The following THSD4 variants were observed in gnomAD, a reference collection of about 807,000 sequenced individuals.
THSD4 encodes the protein thrombospondin type 1 domain containing 4.
In THSD4, 69 loss-of-function variants were observed where a neutral mutation model predicts 119.0. That is an observed-to-expected ratio of 0.58 (90% CI 0.48 to 0.71). The LOEUF is 0.71. THSD4 is among the 30% of genes least tolerant of loss of function. The pLI is 0.00. For synonymous variants in THSD4, 524 were observed against 540.4 expected (o/e 0.97, Z 0.42); for missense variants, 1,393 against 1,391.1 (o/e 1.00, Z -0.02).
chr15:71,544,329 A>G (rs923263172), intron 7 of THSD4, among the ~76,000 whole-genome samples: 4 of 152,218 alleles, frequency 2.6e-5, no homozygotes, highest in Non-Finnish European at 5.9e-5. Context: ...CTATTTTAAA[A>G]GTTTTTAAAA....
At chr15:71,410,475 G>A (rs983951138) in intron 6 of THSD4, among the ~76,000 whole-genome samples, 5 of 152,276 alleles carry the variant, frequency 3.3e-5, no homozygotes, top group East Asian at 1.9e-4. Context: ...GTTAAGCAAC[G>A]GCTAGAGAGA....
chr15:71,610,216 G>A (rs16955842), intron 7 of THSD4, among the ~76,000 whole-genome samples: 43,065 of 152,144 alleles, frequency 0.28, 7,663 homozygotes, highest in East Asian at 0.71. Flanking sequence ...GTGTTGCAGA[G>A]AGGCAGAGAA....
At chr15:71,522,002 A>G (rs1210322494) in intron 7 of THSD4, among the ~76,000 whole-genome samples, 1 of 152,192 alleles carries the variant, frequency 6.6e-6, no homozygotes, top group East Asian at 1.9e-4. Context: ...TGAAAGTTAG[A>G]GCCCTAATGT....
intron 2 of THSD4, among the ~76,000 whole-genome samples, chr15:71,152,940 G>C (rs2040739171): frequency 6.6e-6 from 1 of 152,100 alleles, no homozygotes; most frequent in Non-Finnish European, 1.5e-5. Context: ...ATCTTTGGTG[G>C]AGTCCTTTCC....
chr15:71,763,772 T>C (rs1444219548), intron 15 of THSD4, among the ~76,000 whole-genome samples: 1 of 150,854 alleles, frequency 6.6e-6, no homozygotes, highest in Admixed American at 6.6e-5. Flanking sequence ...TTGTTTTAAT[T>C]AGTCGGGCAA....
At chr15:71,611,616 G>A (rs2050230528) in intron 7 of THSD4, among the ~76,000 whole-genome samples, 1 of 152,208 alleles carries the variant, frequency 6.6e-6, no homozygotes, top group Admixed American at 6.5e-5. Context: ...AGCAACCATT[G>A]TGTAATATGA....
chr15:71,189,204 A>G (rs538543662), intron 3 of THSD4, among the ~76,000 whole-genome samples: 37 of 152,188 alleles, frequency 2.4e-4, no homozygotes, highest in Non-Finnish European at 5.1e-4. Context: ...GTGACCAGCT[A>G]TATGCATTGT....
chr15:71,627,485 C>G (rs757367986), intron 7 of THSD4, among the ~76,000 whole-genome samples: 6 of 152,142 alleles, frequency 3.9e-5, no homozygotes, highest in Admixed American at 6.6e-5. Context: ...ATGGCAGCCC[C>G]TTCACTAGAT....
intron 6 of THSD4, among the ~76,000 whole-genome samples, chr15:71,283,151 A>G (rs1053545886): frequency 1.3e-5 from 2 of 152,064 alleles, no homozygotes; most frequent in Non-Finnish European, 2.9e-5. Context: ...TTGTATTTTT[A>G]GTAGAGACGG....
intron 7 of THSD4, among the ~76,000 whole-genome samples, chr15:71,530,754 A>C (rs758848625): frequency 6.6e-5 from 10 of 152,030 alleles, no homozygotes; most frequent in Non-Finnish European, 1.3e-4. Flanking sequence ...TCTTTCACTC[A>C]TATGGTCACC....
chr15:71,782,579 C>T lies in THSD4; in HGVS notation c.*5205C>T, dbSNP rs965860941. ...ATAGGTATTTATTTACATATGCGATCCACATTTGTGTGAAAGCATGTGATC... is the reference window on the plus strand; with the variant it reads ...ATAGGTATTTATTTACATATGCGATTCACATTTGTGTGAAAGCATGTGATC... On this transcript the variant is annotated 3_prime_UTR_variant, in exon 18 of 18. Coordinates refer to ENST00000261862, the MANE Select transcript of THSD4 (RefSeq NM_024817.3). 7 of 152,152 alleles carry T rather than the reference C, an allele frequency of 4.6e-5. No individual in the cohort carries two copies. Among genetic ancestry groups the T allele is most frequent in the African/African-American group, 1.7e-4 (7 of 41,426 alleles). The allele number at this position is 152,152 out of a possible 1,614,324, so 9.4% of individuals were successfully genotyped here. A position where few individuals can be genotyped will look rare whatever the true frequency, so the allele number is the denominator to read the frequency against.
chr15:71,586,869 C>T (rs2049681312), intron 7 of THSD4, among the ~76,000 whole-genome samples: 1 of 152,178 alleles, frequency 6.6e-6, no homozygotes, highest in Non-Finnish European at 1.5e-5. Flanking sequence ...AAGGAAGCTG[C>T]TTATCACAAC....
At chr15:71,303,028 C>T (rs1305857034) in intron 6 of THSD4, among the ~76,000 whole-genome samples, 1 of 152,150 alleles carries the variant, frequency 6.6e-6, no homozygotes, top group Non-Finnish European at 1.5e-5. Flanking sequence ...ACGAGGTCTG[C>T]ATGTATGAGT....
intron 3 of THSD4, chr15:71,166,869 A>G (rs1353892600): frequency 6.6e-6 from 1 of 152,166 alleles, no homozygotes; most frequent in African/African-American, 2.4e-5. Flanking sequence ...GGGATATGGT[A>G]CCTCCTTGTC....
intron 7 of THSD4, among the ~76,000 whole-genome samples, chr15:71,583,705 A>G (rs1352261084): frequency 6.6e-6 from 1 of 152,068 alleles, no homozygotes; most frequent in African/African-American, 2.4e-5. Flanking sequence ...TAATTTCCAC[A>G]TATTTGTGAA....
intron 2 of THSD4, among the ~76,000 whole-genome samples, chr15:71,143,950 C>T (rs1386944283): frequency 6.6e-6 from 1 of 152,038 alleles, no homozygotes; most frequent in East Asian, 1.9e-4. Context: ...CTGGGGAACT[C>T]ACCTCTAAAC....
At chr15:71,706,080 G>A (rs1362693262) in intron 8 of THSD4, among the ~76,000 whole-genome samples, 1 of 152,180 alleles carries the variant, frequency 6.6e-6, no homozygotes, top group Non-Finnish European at 1.5e-5. Context: ...AACTGAGGTC[G>A]AGGCTGGTAA....
chr15:71,662,266 G>T (rs1054862923), intron 8 of THSD4, among the ~76,000 whole-genome samples: 1 of 152,064 alleles, frequency 6.6e-6, no homozygotes, highest in Non-Finnish European at 1.5e-5. Flanking sequence ...GGTTTTACGG[G>T]GGGGGAGGAG....
At chr15:71,217,492 G>A (rs1376179809) in intron 4 of THSD4, among the ~76,000 whole-genome samples, 2 of 152,000 alleles carry the variant, frequency 1.3e-5, no homozygotes, top group South Asian at 2.1e-4. Context: ...ACGTGGTGGC[G>A]GGTGCCTGTA....
Sources: gnomAD v4.1 joint callset for allele counts (sites outside exome capture counted in the v4.1 genomes callset) on GRCh38, gnomAD v4.1.1 for gene constraint, MANE v1.5 for transcripts, NCBI Gene and HGNC (gene_info 2026-07-23, HGNC 2026-07-21) for gene names.